CHLSN: variants seen among roughly 807,000 people sequenced by gnomAD.
CHLSN encodes the protein protein cholesin.
the CHLSN span, among the ~76,000 whole-genome samples, chr7:1,070,534 A>G: frequency 2.0e-4 from 29 of 147,748 alleles, no homozygotes; most frequent in African/African-American, 7.1e-4. Context: ...CACATACACC[A>G]CGTGCACAGG....
the CHLSN span, among the ~76,000 whole-genome samples, chr7:1,078,728 A>G: frequency 2.0e-5 from 3 of 152,216 alleles, no homozygotes; most frequent in Admixed American, 6.5e-5. Context: ...TGCAGAACTC[A>G]TAGCCAGGCC....
the CHLSN span, chr7:988,354 C>T: frequency 3.6e-5 from 58 of 1,612,532 alleles, no homozygotes; most frequent in African/African-American, 6.7e-5. Context: ...AGTTCAACCC[C>T]GGCCATTTCC....
the CHLSN span, among the ~76,000 whole-genome samples, chr7:979,511 G>A: frequency 3.3e-5 from 5 of 152,026 alleles, no homozygotes; most frequent in African/African-American, 1.2e-4. Flanking sequence ...CAGCACTTTG[G>A]GTGGCCACGG....
chr7:1,036,725 G>A, the CHLSN span, among the ~76,000 whole-genome samples: 2 of 121,680 alleles, frequency 1.6e-5, no homozygotes, highest in South Asian at 2.7e-4. Context: ...TTGGAGGAGC[G>A]GGATTGAGAG....
At chr7:1,001,563 G>A in the CHLSN span, among the ~76,000 whole-genome samples, 1 of 143,562 alleles carries the variant, frequency 7.0e-6, no homozygotes. Flanking sequence ...GTGGAGCCCT[G>A]TGGGTGGGGA....
chr7:1,125,551 T>C, the CHLSN span, among the ~76,000 whole-genome samples: 1 of 152,146 alleles, frequency 6.6e-6, no homozygotes, highest in Non-Finnish European at 1.5e-5. Context: ...TTAAAATAAA[T>C]CCTGAAAATA....
the CHLSN span, among the ~76,000 whole-genome samples, chr7:1,136,577 C>CAT: frequency 0.83 from 106,057 of 128,184 alleles, 43,638 homozygotes; most frequent in South Asian, 0.94. Flanking sequence ...TAAACATAAA[C>CAT]ATATATAAAC....
the CHLSN span, among the ~76,000 whole-genome samples, chr7:1,012,221 C>A: frequency 6.6e-6 from 1 of 152,220 alleles, no homozygotes; most frequent in Non-Finnish European, 1.5e-5. Flanking sequence ...CCGCGGTGGC[C>A]GAGGGTCTGT....
At chr7:1,105,010 C>T in the CHLSN span, among the ~76,000 whole-genome samples, 1 of 152,184 alleles carries the variant, frequency 6.6e-6, no homozygotes, top group East Asian at 1.9e-4. Flanking sequence ...TGGAGATAAT[C>T]GCAGTAGAAG....
At chr7:1,044,108 C>T in the CHLSN span, among the ~76,000 whole-genome samples, 2 of 152,222 alleles carry the variant, frequency 1.3e-5, no homozygotes, top group Non-Finnish European at 2.9e-5. Context: ...TAATTGGTGA[C>T]TTTGGAAACA....
At chr7:1,123,276 G>T in the CHLSN span, among the ~76,000 whole-genome samples, 1 of 152,242 alleles carries the variant, frequency 6.6e-6, no homozygotes, top group African/African-American at 2.4e-5. The surrounding 1 kb of genome is among the most constrained non-coding windows in gnomAD (Gnocchi z 4.4). Flanking sequence ...CATCACTTGG[G>T]GACGTGGCGG....
chr7:1,073,569 T>G, the CHLSN span, among the ~76,000 whole-genome samples: 33 of 152,088 alleles, frequency 2.2e-4, no homozygotes, highest in African/African-American at 8.0e-4. Flanking sequence ...CCATATTTGG[T>G]TCTCATGAAA....
chr7:1,063,379 A>T, the CHLSN span, among the ~76,000 whole-genome samples: 1 of 152,150 alleles, frequency 6.6e-6, no homozygotes, highest in South Asian at 2.1e-4. Context: ...TCTGTGACTG[A>T]TCGGGTGCTC....
At chr7:984,716 T>G in the CHLSN span, 1 of 1,282,812 alleles carries the variant, frequency 7.8e-7, no homozygotes, top group Non-Finnish European at 1.1e-6. Flanking sequence ...GGGCTGGTGC[T>G]GAGAAGGGCC....
chr7:1,130,893 CA>C, the CHLSN span, among the ~76,000 whole-genome samples: 1 of 152,156 alleles, frequency 6.6e-6, no homozygotes, highest in Admixed American at 6.5e-5. Flanking sequence ...GATCCCACCC[CA>C]AAAGTAAAAC....
chr7:1,037,229 C>T, the CHLSN span, among the ~76,000 whole-genome samples: 1 of 142,060 alleles, frequency 7.0e-6, no homozygotes, highest in Non-Finnish European at 1.6e-5. Context: ...AATGCCTCCT[C>T]CCTAAAGTTT....
At chr7:1,021,415 A>AG in the CHLSN span, 1 of 985,346 alleles carries the variant, frequency 1.0e-6, no homozygotes, top group African/African-American at 1.7e-5. Context: ...CGGAAGCTGA[A>AG]GGGCTCTGCC....
At chr7:1,018,672 T>A in the CHLSN span, among the ~76,000 whole-genome samples, 1 of 151,796 alleles carries the variant, frequency 6.6e-6, no homozygotes, top group Non-Finnish European at 1.5e-5. Context: ...TTAATCTGAG[T>A]GCTTTGGGAG....
chr7:1,034,022 C>T, the CHLSN span, among the ~76,000 whole-genome samples: 2 of 152,208 alleles, frequency 1.3e-5, no homozygotes, highest in Non-Finnish European at 2.9e-5. Context: ...TATTTGCAAG[C>T]GGCATGACCG....
Sources: allele counts gnomAD v4.1 joint callset (sites outside exome capture counted in the v4.1 genomes callset), GRCh38; gene constraint gnomAD v4.1.1; non-coding constraint Gnocchi (gnomAD v3.1); transcripts MANE v1.5; gene names NCBI Gene and HGNC (gene_info 2026-07-23, HGNC 2026-07-21).